The following CALCRL variants were observed in gnomAD, a reference collection of about 807,000 sequenced individuals.
The protein encoded by CALCRL is calcitonin gene-related peptide type 1 receptor.
A neutral mutation model predicts 60.4 loss-of-function variants in CALCRL; 27 were observed. The observed-to-expected ratio is 0.45, with a 90% CI of 0.33 to 0.62. The LOEUF is 0.62. Ranked by LOEUF, CALCRL falls within the 20% of genes least tolerant of loss-of-function variation. The pLI is 0.03. For synonymous variants in CALCRL, 190 were observed against 182.6 expected (o/e 1.04, Z -0.33); for missense variants, 424 against 540.7 (o/e 0.78, Z 2.14).
chr2:187,415,753 G>A (rs1316635175), intron 1 of CALCRL: 6 of 500,880 alleles, frequency 1.2e-5, no homozygotes, highest in South Asian at 4.6e-5. Context: ...TGCTCTCAAC[G>A]ACCACTTTGT....
At position 187,352,096 on chromosome 2, in the gene CALCRL, T is replaced by G; in HGVS notation, c.1128+18A>C. On this transcript the variant is annotated intron_variant, in intron 13 of 14. Transcript: ENST00000392370. ...ATTCCAAACTTCTCAAGCTGCCTTC[T>G]TATCAAGAATGCCATACCTGGAAGT... 6.2e-7 allele frequency: 1 copy of G among 1,607,162 alleles called. No individual in the cohort carries two copies. Among genetic ancestry groups the G allele is most frequent in the Non-Finnish European group, 8.5e-7 (1 of 1,174,172 alleles).
chr2:187,378,847 T>A, intron 8 of CALCRL, 93 bp downstream of exon 8: 3 of 688,598 alleles, frequency 4.4e-6, no homozygotes, highest in Non-Finnish European at 7.7e-6. Flanking sequence ...TCTATATTGG[T>A]ATATTTTGTC....
intron 14 of CALCRL, among the ~76,000 whole-genome samples, chr2:187,351,553 A>G (rs1431810869): frequency 6.6e-6 from 1 of 151,850 alleles, no homozygotes; most frequent in Non-Finnish European, 1.5e-5. Flanking sequence ...GGAAAATGAG[A>G]TGATCCTATT....
intron 1 of CALCRL, among the ~76,000 whole-genome samples, chr2:187,421,951 G>T (rs954690388): frequency 2.0e-5 from 3 of 152,174 alleles, no homozygotes; most frequent in African/African-American, 7.2e-5. Context: ...TACAGATGCT[G>T]GTGGGAGTGT....
At chr2:187,358,516 C>T (rs1374297802) in intron 12 of CALCRL, among the ~76,000 whole-genome samples, 2 of 149,524 alleles carry the variant, frequency 1.3e-5, no homozygotes, top group Non-Finnish European at 3.0e-5. Flanking sequence ...TATTTGTCAC[C>T]TCCCACCCCC....
intron 1 of CALCRL, among the ~76,000 whole-genome samples, chr2:187,406,965 C>A (rs980581498): frequency 6.6e-6 from 1 of 151,852 alleles, no homozygotes; most frequent in African/African-American, 2.4e-5. Flanking sequence ...ACTATCATTC[C>A]CAAAAAACCT....
At chr2:187,361,231 A>G (rs553843918) in intron 9 of CALCRL, among the ~76,000 whole-genome samples, 2 of 152,116 alleles carry the variant, frequency 1.3e-5, no homozygotes, top group Admixed American at 6.5e-5. Flanking sequence ...GAAATAATCT[A>G]ATACATCCAT....
At chr2:187,415,347 A>G (rs1689554063) in intron 1 of CALCRL, among the ~76,000 whole-genome samples, 1 of 152,210 alleles carries the variant, frequency 6.6e-6, no homozygotes, top group African/African-American at 2.4e-5. Context: ...GCAATTCACA[A>G]AATGTGTCTG....
In CALCRL at chr2:187,345,389, C is replaced by G. The variant is rs1242621883; in HGVS notation, c.*795G>C. The G allele has an allele frequency of 6.6e-6, 1 of 152,142 alleles. No homozygotes were observed. Among genetic ancestry groups the G allele is most frequent in the East Asian group, 1.9e-4 (1 of 5,176 alleles). The allele number at this position is 152,142 out of a possible 1,614,324, so 9.4% of individuals were successfully genotyped here. On this transcript the variant is annotated 3_prime_UTR_variant, in exon 15 of 15. Transcript: ENST00000392370. ...ATGGAAGGGACAAAATTTATATTTA[C>G]AGCTAGGAATTCCCTCCCACTGTTT...
intron 1 of CALCRL, among the ~76,000 whole-genome samples, chr2:187,431,533 G>T (rs944265705): frequency 6.6e-6 from 1 of 152,044 alleles, no homozygotes; most frequent in Non-Finnish European, 1.5e-5. Flanking sequence ...AGACATACCA[G>T]GTATATTGAG....
intron 8 of CALCRL, among the ~76,000 whole-genome samples, chr2:187,369,201 A>G (rs1035315936): frequency 3.3e-5 from 5 of 152,068 alleles, no homozygotes; most frequent in Non-Finnish European, 7.4e-5. Flanking sequence ...TTTTGTATGG[A>G]CAACTGATTT....
intron 1 of CALCRL, among the ~76,000 whole-genome samples, chr2:187,388,291 G>T (rs1237763036): frequency 2.0e-5 from 3 of 151,720 alleles, no homozygotes; most frequent in Non-Finnish European, 4.4e-5. Flanking sequence ...AAGAAGAGTT[G>T]TTTTGTTTTT....
intron 1 of CALCRL, among the ~76,000 whole-genome samples, chr2:187,398,436 T>G (rs1450551990): frequency 2.0e-5 from 3 of 151,652 alleles, no homozygotes; most frequent in Non-Finnish European, 4.4e-5. Context: ...ATTCTCAAAA[T>G]AAAATTTATA....
chr2:187,381,513 T>G (rs1221396973), intron 5 of CALCRL, among the ~76,000 whole-genome samples: 1 of 152,004 alleles, frequency 6.6e-6, no homozygotes, highest in Admixed American at 6.6e-5. Flanking sequence ...TGGAGTGCAG[T>G]GGTGTGATCT....
At chr2:187,402,980 AG>A (rs1688957767) in intron 1 of CALCRL, among the ~76,000 whole-genome samples, 1 of 151,630 alleles carries the variant, frequency 6.6e-6, no homozygotes. Flanking sequence ...AGAAAGAGAT[AG>A]GCAATCTCTC....
chr2:187,420,229 C>G (rs952559136), intron 1 of CALCRL, among the ~76,000 whole-genome samples: 1 of 152,082 alleles, frequency 6.6e-6, no homozygotes, highest in Non-Finnish European at 1.5e-5. Flanking sequence ...AGGTTTCTGT[C>G]TTTCATATCA....
Position 187,349,189 on chromosome 2 carries a change from A to T in CALCRL, c.1170+2731T>A, listed in dbSNP as rs765148893. On this transcript the variant is annotated intron_variant, in intron 14 of 14. Coordinates refer to ENST00000392370, the MANE Select transcript of CALCRL (RefSeq NM_005795.6). ...TGTTGTTAAATATAACCTTCTGATG[A>T]CTAGAGTCCCTAGTTTATGATCACA... 2.0e-4 allele frequency among the ~76,000 whole-genome samples: 30 copies of T among 151,776 alleles called. 1 individual carries two copies. The highest frequency in any genetic ancestry group is 8.3e-4 in the South Asian group (4 of 4,830).
rs1253889537 is a variant in CALCRL at position 187,343,981 on chromosome 2, A to G, written c.*2203T>C. Reference sequence around the variant, plus strand: ...AAAAATACTTGAAAATTACATGTTTATTTTAATATAATCTCTGATCATTCA... The same window carrying G: ...AAAAATACTTGAAAATTACATGTTTGTTTTAATATAATCTCTGATCATTCA... On this transcript the variant is annotated 3_prime_UTR_variant, in exon 15 of 15. Coordinates refer to ENST00000392370, the MANE Select transcript of CALCRL (RefSeq NM_005795.6). 2 of 151,360 alleles carry G rather than the reference A, an allele frequency of 1.3e-5. No homozygotes were observed. Among genetic ancestry groups the G allele is most frequent in the Non-Finnish European group, 1.5e-5 (1 of 67,588 alleles). 9.4% of individuals were successfully genotyped at this position (151,360 alleles called of 1,614,324 possible).
At chr2:187,409,967 C>T (rs1188475778) in intron 1 of CALCRL, among the ~76,000 whole-genome samples, 2 of 152,134 alleles carry the variant, frequency 1.3e-5, no homozygotes, top group East Asian at 3.9e-4. Context: ...AGGGACCACA[C>T]TAAGCAGGGA....
Sources: allele counts gnomAD v4.1 joint callset (sites outside exome capture counted in the v4.1 genomes callset), GRCh38; gene constraint gnomAD v4.1.1; transcripts MANE v1.5; gene names NCBI Gene and HGNC (gene_info 2026-07-23, HGNC 2026-07-21).